WWOX: variants seen among roughly 807,000 people sequenced by gnomAD.
The protein encoded by WWOX is WW domain-containing oxidoreductase.
In WWOX, 69 loss-of-function variants were observed where a neutral mutation model predicts 46.2. The ratio of observed to expected loss-of-function variants is 1.49; its 90% confidence interval spans 1.23 to 1.82. WWOX has a LOEUF of 1.82. Ranked by LOEUF, WWOX falls within the 40% of genes most tolerant of loss-of-function variation. The pLI is 0.00. For synonymous variants in WWOX, 359 were observed against 202.6 expected, an observed-to-expected ratio of 1.77 and a Z score of -6.56; for missense variants, 919 against 542.6, an observed-to-expected ratio of 1.69 and a Z score of -6.89.
chr16:78,595,133 C>T (rs1238311356), intron 8 of WWOX, among the ~76,000 whole-genome samples: 2 of 152,196 alleles, frequency 1.3e-5, no homozygotes, highest in East Asian at 3.9e-4. Flanking sequence ...ACATTGCAAA[C>T]CTGCAAAAGC....
intron 5 of WWOX, among the ~76,000 whole-genome samples, chr16:78,280,224 C>A (rs1407462774): frequency 6.6e-6 from 1 of 152,180 alleles, no homozygotes. Flanking sequence ...ACTTTATCGT[C>A]CATTGCTGGG....
Position 79,137,569 on chromosome 16 carries a change from T to C in WWOX, c.1057-74039T>C, listed in dbSNP as rs551487986. 9.2e-5 allele frequency among the ~76,000 whole-genome samples: 14 copies of C among 152,148 alleles called. No homozygotes were observed. In the South Asian group the frequency reaches 1.9e-3, roughly 20 times the overall value. ...ACGTTGTGGAATTTTTAGAGAGTGT[T>C]TGTCTGTTAGCTGTTTGTTTTGAAC... is the stretch of plus-strand genomic sequence containing the variant. On this transcript the variant is annotated intron_variant, in intron 8 of 8. Transcript: ENST00000566780.
At chr16:78,332,646 C>G (rs979902546) in intron 5 of WWOX, among the ~76,000 whole-genome samples, 5 of 152,174 alleles carry the variant, frequency 3.3e-5, no homozygotes, top group African/African-American at 4.8e-5. Context: ...TGATTTTCCT[C>G]TCTGTCATTG....
At chr16:78,356,414 A>G (rs1410279071) in intron 5 of WWOX, among the ~76,000 whole-genome samples, 1 of 152,106 alleles carries the variant, frequency 6.6e-6, no homozygotes, top group African/African-American at 2.4e-5. Flanking sequence ...TTTCCTGTGG[A>G]TTTGTGGACC....
intron 8 of WWOX, among the ~76,000 whole-genome samples, chr16:78,659,276 G>A (rs564592331): frequency 6.6e-6 from 1 of 152,196 alleles, no homozygotes; most frequent in Non-Finnish European, 1.5e-5. Context: ...CCGTGTAGCA[G>A]AATCAGGAAT....
chr16:79,139,642 C>A (rs1438869701), intron 8 of WWOX, among the ~76,000 whole-genome samples: 1 of 151,736 alleles, frequency 6.6e-6, no homozygotes, highest in African/African-American at 2.4e-5. Context: ...AGAAGAAAAG[C>A]AGGCCGATCT....
rs564479358 is a variant in WWOX at position 78,961,419 on chromosome 16, TA to T, written c.1057-250188del. On this transcript the variant is annotated intron_variant, in intron 8 of 8. Coordinates refer to ENST00000566780, the MANE Select transcript of WWOX (RefSeq NM_016373.4). ...TGGCACAAAGATAACACTCAGCAGATATATAGCTATGGGATACATGGATGGA... is the reference window on the plus strand; with the variant it reads ...TGGCACAAAGATAACACTCAGCAGATTATAGCTATGGGATACATGGATGGA... 1.4e-3 allele frequency among the ~76,000 whole-genome samples: 217 copies of T among 152,220 alleles called. 2 individuals carry two copies. The highest frequency in any genetic ancestry group is 2.8e-4 in the Non-Finnish European group (19 of 68,018).
At chr16:78,364,948 C>T (rs1197681466) in intron 5 of WWOX, among the ~76,000 whole-genome samples, 1 of 152,086 alleles carries the variant, frequency 6.6e-6, no homozygotes, top group Non-Finnish European at 1.5e-5. Flanking sequence ...TGTTCCTGGT[C>T]CCCAACCTTT....
chr16:78,418,048 C>T (rs975327812), intron 6 of WWOX, among the ~76,000 whole-genome samples: 10 of 152,172 alleles, frequency 6.6e-5, no homozygotes, highest in African/African-American at 2.4e-4. Flanking sequence ...TTAATGAGTG[C>T]TTTCCAGCAA....
chr16:78,502,978 T>C (rs992315897), intron 8 of WWOX, among the ~76,000 whole-genome samples: 11 of 152,206 alleles, frequency 7.2e-5, no homozygotes, highest in Non-Finnish European at 1.6e-4. Flanking sequence ...CTGCGATCTT[T>C]GATTACTACA....
chr16:78,358,311 C>G (rs1321666217), intron 5 of WWOX, among the ~76,000 whole-genome samples: 1 of 152,158 alleles, frequency 6.6e-6, no homozygotes, highest in Admixed American at 6.5e-5. Context: ...AATTAGAACT[C>G]TGCTAATGAA....
intron 8 of WWOX, among the ~76,000 whole-genome samples, chr16:78,905,019 T>C (rs2044925726): frequency 6.6e-6 from 1 of 152,154 alleles, no homozygotes; most frequent in Admixed American, 6.5e-5. Context: ...CTACAGAAAA[T>C]ATATTTTCAT....
chr16:78,556,516 G>C (rs149715557), intron 8 of WWOX, among the ~76,000 whole-genome samples: 1 of 152,140 alleles, frequency 6.6e-6, no homozygotes, highest in African/African-American at 2.4e-5. Context: ...ACTACAATTA[G>C]AGTACAATTA....
chr16:78,223,684 A>C (rs916940771), intron 5 of WWOX, among the ~76,000 whole-genome samples: 2 of 152,074 alleles, frequency 1.3e-5, no homozygotes, highest in Non-Finnish European at 2.9e-5. Flanking sequence ...TTCCCAAAGG[A>C]GAGGGTGTTT....
At chr16:78,764,208 C>T (rs559004651) in intron 8 of WWOX, among the ~76,000 whole-genome samples, 1 of 152,070 alleles carries the variant, frequency 6.6e-6, no homozygotes, top group Non-Finnish European at 1.5e-5. Flanking sequence ...TCCGGCTCTA[C>T]CCTGTTTTGA....
chr16:78,178,277 C>G (rs1248681946), intron 5 of WWOX, among the ~76,000 whole-genome samples: 1 of 152,208 alleles, frequency 6.6e-6, no homozygotes, highest in Non-Finnish European at 1.5e-5. Flanking sequence ...TTACTAAGCA[C>G]TTTTCCTGTT....
At chr16:78,644,461 T>TA (rs2046794014) in intron 8 of WWOX, among the ~76,000 whole-genome samples, 3 of 150,978 alleles carry the variant, frequency 2.0e-5, no homozygotes, top group South Asian at 2.1e-4. Context: ...CCTGGGCCCT[T>TA]ATTTTTTTTT....
rs916224226 is a variant in WWOX at position 78,367,089 on chromosome 16, C to T, written c.517-19771C>T. ...CTGCCTCCCAGGTTTACGCCATTCT[C>T]CTGCCTCAGCCTCCTAAGTAGCTGG... On this transcript the variant is annotated intron_variant, in intron 5 of 8. Transcript: ENST00000566780. Among the ~76,000 whole-genome samples the T allele has an allele frequency of 2.7e-5, 4 of 150,446 alleles. No homozygotes were observed. The Admixed American group carries it at 2.7e-4, about 10-fold the overall frequency.
chr16:78,917,624 A>G (rs1423675732), intron 8 of WWOX, among the ~76,000 whole-genome samples: 2 of 151,900 alleles, frequency 1.3e-5, no homozygotes, highest in African/African-American at 4.8e-5. Flanking sequence ...TTCTACTTGA[A>G]CTTTCCCACT....
Sources: gnomAD v4.1 joint callset for allele counts (sites outside exome capture counted in the v4.1 genomes callset) on GRCh38, gnomAD v4.1.1 for gene constraint, MANE v1.5 for transcripts, NCBI Gene and HGNC (gene_info 2026-07-23, HGNC 2026-07-21) for gene names.